The following NFASC variants were observed in gnomAD, a reference collection of about 807,000 sequenced individuals.
The protein encoded by NFASC is neurofascin homolog.
In NFASC, 43 loss-of-function variants were observed where a neutral mutation model predicts 147.5. The observed-to-expected ratio is 0.29, with a 90% CI of 0.23 to 0.38. NFASC has a LOEUF of 0.38. Ranked by LOEUF, NFASC falls within the 10% of genes least tolerant of loss-of-function variation. NFASC has a pLI of 1.00. For synonymous variants in NFASC, 622 were observed against 665.5 expected (o/e 0.93, Z 1.01); for missense variants, 1,320 against 1,689.0 (o/e 0.78, Z 3.83).
chr1:204,917,668 G>T (rs2089569091), intron 1 of NFASC, among the ~76,000 whole-genome samples: 2 of 152,078 alleles, frequency 1.3e-5, no homozygotes. Flanking sequence ...GCTTGACCAG[G>T]GAAACCTTAT....
chr1:204,881,550 G>T (rs2080232203), intron 1 of NFASC, among the ~76,000 whole-genome samples: 1 of 152,176 alleles, frequency 6.6e-6, no homozygotes, highest in African/African-American at 2.4e-5. Context: ...GAAGACAGAA[G>T]GCAGCAGCAG....
chr1:204,971,974 C>T (rs779324902), intron 11 of NFASC, among the ~76,000 whole-genome samples: 4 of 152,202 alleles, frequency 2.6e-5, no homozygotes, highest in African/African-American at 7.2e-5. Flanking sequence ...CCCCAGGGAA[C>T]GTGTAAGGAG....
intron 1 of NFASC, among the ~76,000 whole-genome samples, chr1:204,877,025 TATAATATATATTTATATATATATAA>T (rs1558548706): frequency 1.3e-4 from 13 of 101,508 alleles, no homozygotes; most frequent in African/African-American, 5.5e-4. Flanking sequence ...TATATATATA[TATAATATATATTTATATATATATAA>T]TATATTTATT....
chr1:204,891,137 A>G lies in NFASC; in HGVS notation c.-199-29495A>G, dbSNP rs188280977. ...GTCCTAGGTCACTTGGCATCTTGGC[A>G]TGGAATCCCTAGAAAGCAGAACCTC... On this transcript the variant is annotated intron_variant, in intron 1 of 29. Transcript: ENST00000339876. 7.9e-4 allele frequency among the ~76,000 whole-genome samples: 121 copies of G among 152,322 alleles called. 1 individual carries two copies. The highest frequency in any genetic ancestry group is 5.0e-3 in the South Asian group (24 of 4,822).
intron 28 of NFASC, 34 bp downstream of exon 28, chr1:205,009,722 G>C (rs759161818): frequency 2.4e-5 from 39 of 1,604,216 alleles, no homozygotes; most frequent in Non-Finnish European, 3.2e-5. Flanking sequence ...CTTGCAGGGT[G>C]GGGCACGTCC....
Position 204,986,292 on chromosome 1 carries a change from A to G in NFASC, c.2471-1126A>G, listed in dbSNP as rs1213886372. On this transcript the variant is annotated intron_variant, in intron 21 of 29. Coordinates refer to ENST00000339876, the MANE Select transcript of NFASC (RefSeq NM_001005388.3). The surrounding 1 kb of genome is among the most constrained non-coding windows in gnomAD (Gnocchi z 4.2). ...AGCCATTCCCAGACCACCATCGCCA[A>G]GGTGACCTGCCCTGCGAGGAGGTTG... Among the ~76,000 whole-genome samples the G allele has an allele frequency of 6.6e-6, 1 of 152,242 alleles. No individual in the cohort carries two copies. The highest frequency in any genetic ancestry group is 1.9e-4 in the East Asian group (1 of 5,196).
chr1:205,001,355 GC>G, intron 26 of NFASC, 69 bp downstream of exon 26: 1 of 952,214 alleles, frequency 1.1e-6, no homozygotes, highest in Non-Finnish European at 1.7e-6. Flanking sequence ...AGTGGTAGAT[GC>G]CATTAAAGAG....
intron 1 of NFASC, among the ~76,000 whole-genome samples, chr1:204,837,582 C>G (rs958902438): frequency 1.3e-5 from 2 of 152,136 alleles, no homozygotes; most frequent in African/African-American, 4.8e-5. Flanking sequence ...TCCCAGGCAC[C>G]TGGTGGTTTC....
intron 1 of NFASC, among the ~76,000 whole-genome samples, chr1:204,830,572 GGTGTGTTGT>G (rs903860927): frequency 4.6e-5 from 7 of 151,838 alleles, no homozygotes; most frequent in Admixed American, 3.9e-4. Flanking sequence ...CAACTGAAGG[GGTGTGTTGT>G]GTGTGTTGTG....
At chr1:204,935,261 A>G (rs901129307) in intron 2 of NFASC, among the ~76,000 whole-genome samples, 2 of 152,188 alleles carry the variant, frequency 1.3e-5, no homozygotes, top group African/African-American at 2.4e-5. Flanking sequence ...CCGTAAAGAC[A>G]GTGTGGAAGT....
Position 205,016,992 on chromosome 1 carries a change from G to C in NFASC, c.*453G>C. 1 of 290,274 alleles carries C rather than the reference G, an allele frequency of 3.4e-6. No individual in the cohort carries two copies. Among genetic ancestry groups the C allele is most frequent in the Non-Finnish European group, 6.8e-6 (1 of 146,124 alleles). The allele number at this position is 290,274 out of a possible 1,614,324, so 18.0% of individuals were successfully genotyped here. ...AGTCCCTGGAAAAGAAAGAATAAGT[G>C]GATTCTCCCCCAGGAGAATCCTTTT... On this transcript the variant is annotated 3_prime_UTR_variant, in exon 30 of 30. Coordinates refer to ENST00000339876, the MANE Select transcript of NFASC (RefSeq NM_001005388.3). This position sits in a 1 kb window ranked among gnomAD's most constrained non-coding sequence, Gnocchi z 5.1.
At position 204,988,755 on chromosome 1, in the gene NFASC, G is replaced by T; in HGVS notation, c.2716G>T (p.Val906Leu). ...YRFTLSARTQ[V>L]GSGEAVTEES... Reference sequence around the variant, plus strand: ...CTTTACCCTCAGCGCCAGGACGCAGGTGGGCTCTGGGGAAGCCGTCACAGA... The same window carrying T: ...CTTTACCCTCAGCGCCAGGACGCAGTTGGGCTCTGGGGAAGCCGTCACAGA... The change falls in exon 23 of 30, where the codon GTG (valine) becomes TTG (leucine). Residue 906 changes from valine (V) to leucine (L), a missense_variant. Transcript: ENST00000339876. 2 of 1,614,230 alleles carry T rather than the reference G, an allele frequency of 1.2e-6. No homozygotes were observed. Among genetic ancestry groups the T allele is most frequent in the East Asian group, 2.2e-5 (1 of 44,880 alleles).
chr1:204,983,941 T>A, intron 21 of NFASC: 1 of 831,504 alleles, frequency 1.2e-6, no homozygotes, highest in Non-Finnish European at 2.0e-6. Flanking sequence ...TTGAGTGGAG[T>A]GCAGGTACAG....
intron 4 of NFASC, among the ~76,000 whole-genome samples, chr1:204,951,315 ATT>A (rs33974199): frequency 0.16 from 18,666 of 118,748 alleles, 1,851 homozygotes; most frequent in African/African-American, 0.3. Flanking sequence ...TGCCCGGCTA[ATT>A]TTTTTTTTTT....
intron 20 of NFASC, 51 bp downstream of exon 20, chr1:204,980,491 C>A: frequency 2.2e-6 from 3 of 1,382,218 alleles, no homozygotes; most frequent in Non-Finnish European, 3.0e-6. Flanking sequence ...CCGCATGCAC[C>A]GGGAGCCCCT....
chr1:204,993,683 C>G, intron 24 of NFASC: 2 of 483,362 alleles, frequency 4.1e-6, no homozygotes, highest in Non-Finnish European at 8.3e-6. Context: ...GGTCGCCAGG[C>G]TGATGGTCTC....
In NFASC at chr1:204,987,975, C is replaced by T. The variant is rs1238311512; in HGVS notation, c.2593+435C>T. Among the ~76,000 whole-genome samples the T allele has an allele frequency of 6.6e-6, 1 of 152,202 alleles. No homozygotes were observed. Among genetic ancestry groups the T allele is most frequent in the African/African-American group, 2.4e-5 (1 of 41,448 alleles). ...TATGATAAGGCAGCTGCATGTAGAG[C>T]TGCCCGGTGACTGTGGGGTGACCCG... On this transcript the variant is annotated intron_variant, in intron 22 of 29. Coordinates refer to ENST00000339876, the MANE Select transcript of NFASC (RefSeq NM_001005388.3). The surrounding 1 kb of genome is among the most constrained non-coding windows in gnomAD (Gnocchi z 4.4).
chr1:204,925,254 C>T (rs1299820184), intron 2 of NFASC, among the ~76,000 whole-genome samples: 1 of 152,200 alleles, frequency 6.6e-6, no homozygotes, highest in Non-Finnish European at 1.5e-5. Flanking sequence ...GGAATTGTCA[C>T]AGCAACCTTG....
At position 204,970,886 on chromosome 1, in the gene NFASC, C is replaced by T. The variant is rs1338479643; in HGVS notation, c.1135+139C>T. On this transcript the variant is annotated intron_variant, in intron 11 of 29. Coordinates refer to ENST00000339876, the MANE Select transcript of NFASC (RefSeq NM_001005388.3). ...CCACTGGTGGCTGTTTCTCAGCTGC[C>T]CATCTCTTCAGACATCTCAAGAGGC... 6 of 1,057,314 alleles carry T rather than the reference C, an allele frequency of 5.7e-6. No homozygotes were observed. In the Admixed American group the frequency reaches 1.3e-4, roughly 22 times the overall value. The allele number at this position is 1,057,314 out of a possible 1,614,324, so 65.5% of individuals were successfully genotyped here. A position where few individuals can be genotyped will look rare whatever the true frequency, so the allele number is the denominator to read the frequency against.
Sources: allele counts gnomAD v4.1 joint callset (sites outside exome capture counted in the v4.1 genomes callset), GRCh38; gene constraint gnomAD v4.1.1; non-coding constraint Gnocchi (gnomAD v3.1); transcripts MANE v1.5; gene names NCBI Gene and HGNC (gene_info 2026-07-23, HGNC 2026-07-21).